XKR4: variants seen among roughly 807,000 people sequenced by gnomAD.
The protein encoded by XKR4 is XK-related protein 4.
In XKR4, 12 loss-of-function variants were observed where a neutral mutation model predicts 53.9. The ratio of observed to expected loss-of-function variants is 0.22; its 90% CI spans 0.14 to 0.36. The LOEUF is 0.36. Ranked by LOEUF, XKR4 falls within the 10% of genes least tolerant of loss-of-function variation. The probability of loss-of-function intolerance (pLI) is 1.00; values close to 1 mark genes in which losing one functional copy is unlikely to be tolerated. For synonymous variants in XKR4, 354 were observed against 362.4 expected, an observed-to-expected ratio of 0.98 and a Z score of 0.26; for missense variants, 799 against 859.5, an observed-to-expected ratio of 0.93 and a Z score of 0.88.
intron 2 of XKR4, among the ~76,000 whole-genome samples, chr8:55,447,161 A>C (rs981213065): frequency 3.3e-5 from 5 of 152,214 alleles, no homozygotes; most frequent in Admixed American, 3.3e-4. Context: ...GACCTTTATG[A>C]TCTGCCAGCC....
chr8:55,388,615 G>A (rs1261400583), intron 2 of XKR4, among the ~76,000 whole-genome samples: 1 of 152,142 alleles, frequency 6.6e-6, no homozygotes, highest in African/African-American at 2.4e-5. Flanking sequence ...CTTTGTATAA[G>A]GGCACTCATC....
chr8:55,440,493 G>A (rs1343432022), intron 2 of XKR4, among the ~76,000 whole-genome samples: 1 of 152,094 alleles, frequency 6.6e-6, no homozygotes, highest in African/African-American at 2.4e-5. Flanking sequence ...TTATTTGGGA[G>A]GTGGGCAAAT....
intron 1 of XKR4, among the ~76,000 whole-genome samples, chr8:55,250,061 A>T (rs1276779249): frequency 6.6e-6 from 1 of 152,184 alleles, no homozygotes; most frequent in East Asian, 1.9e-4. Flanking sequence ...TATCCACTAA[A>T]ATCTTAATGG....
chr8:55,130,144 G>A (rs1050563047), intron 1 of XKR4, among the ~76,000 whole-genome samples: 3 of 152,058 alleles, frequency 2.0e-5, no homozygotes, highest in Admixed American at 2.0e-4. Flanking sequence ...TACTATTATT[G>A]GCATCAAAGA....
intron 1 of XKR4, among the ~76,000 whole-genome samples, chr8:55,291,913 C>T (rs1214456642): frequency 2.6e-5 from 4 of 152,054 alleles, no homozygotes; most frequent in Non-Finnish European, 5.9e-5. Context: ...AGAATTTTGT[C>T]AAATGCTTTT....
At chr8:55,332,958 A>T (rs1803402712) in intron 1 of XKR4, among the ~76,000 whole-genome samples, 1 of 150,106 alleles carries the variant, frequency 6.7e-6, no homozygotes. Context: ...ATTTCAAATG[A>T]CCTGAATTCA....
At chr8:55,487,528 A>G (rs1806211952) in intron 2 of XKR4, among the ~76,000 whole-genome samples, 1 of 151,874 alleles carries the variant, frequency 6.6e-6, no homozygotes, top group Non-Finnish European at 1.5e-5. Context: ...GCACAGCGGA[A>G]CAATCCTGGC....
intron 2 of XKR4, among the ~76,000 whole-genome samples, chr8:55,457,686 C>T (rs113037510): frequency 6.6e-6 from 1 of 152,274 alleles, no homozygotes; most frequent in African/African-American, 2.4e-5. Context: ...ATGAAGAGCA[C>T]TGGAAGTGAT....
chr8:55,155,172 A>G (rs1362526648), intron 1 of XKR4, among the ~76,000 whole-genome samples: 2 of 152,208 alleles, frequency 1.3e-5, no homozygotes, highest in African/African-American at 4.8e-5. Flanking sequence ...CACATTGAAT[A>G]TAATGCTGCG....
At chr8:55,385,689 C>T (rs1309088784) in intron 2 of XKR4, among the ~76,000 whole-genome samples, 2 of 152,154 alleles carry the variant, frequency 1.3e-5, no homozygotes, top group African/African-American at 4.8e-5. Context: ...TTCATGTGTA[C>T]ATTTTGGTAT....
chr8:55,223,269 C>T (rs533225357), intron 1 of XKR4, among the ~76,000 whole-genome samples: 6 of 152,360 alleles, frequency 3.9e-5, no homozygotes, highest in Admixed American at 1.3e-4. Context: ...CCCTTCCCTT[C>T]TCCAGATCTA....
At chr8:55,451,669 A>T in intron 2 of XKR4, 1 of 1,551,840 alleles carries the variant, frequency 6.4e-7, no homozygotes, top group Non-Finnish European at 8.8e-7. Flanking sequence ...ACTCTGGGGC[A>T]CGATCAGCAG....
At chr8:55,470,613 A>G (rs1222273480) in intron 2 of XKR4, among the ~76,000 whole-genome samples, 1 of 152,152 alleles carries the variant, frequency 6.6e-6, no homozygotes, top group East Asian at 1.9e-4. Flanking sequence ...ACAGACTAAT[A>G]CACAAGATAT....
chr8:55,254,673 A>G (rs1441422343), intron 1 of XKR4, among the ~76,000 whole-genome samples: 5 of 152,276 alleles, frequency 3.3e-5, no homozygotes, highest in South Asian at 2.1e-4. Flanking sequence ...GGGGAACGAT[A>G]TGCCAAACTG....
chr8:55,429,168 A>T (rs1805062072), intron 2 of XKR4, among the ~76,000 whole-genome samples: 1 of 152,222 alleles, frequency 6.6e-6, no homozygotes, highest in Non-Finnish European at 1.5e-5. Context: ...AATTTAATAT[A>T]ATAAAAATAG....
chr8:55,297,745 C>T (rs1244073908), intron 1 of XKR4, among the ~76,000 whole-genome samples: 2 of 152,172 alleles, frequency 1.3e-5, no homozygotes, highest in African/African-American at 2.4e-5. Context: ...CCAAAGGGGG[C>T]TCTCTCTAAA....
chr8:55,169,892 C>G (rs1473209289), intron 1 of XKR4, among the ~76,000 whole-genome samples: 1 of 152,244 alleles, frequency 6.6e-6, no homozygotes, highest in African/African-American at 2.4e-5. Context: ...TGCTCCTAAA[C>G]AGCATTGATT....
chr8:55,222,946 A>G (rs1817900956), intron 1 of XKR4, among the ~76,000 whole-genome samples: 1 of 152,280 alleles, frequency 6.6e-6, no homozygotes, highest in East Asian at 1.9e-4. Context: ...GGGCAACATC[A>G]TGAGGTTGAG....
rs1370585800 is a variant in XKR4 at position 55,102,719 on chromosome 8, G to C, written c.231G>C (p.Ser77=). The C allele has an allele frequency of 1.7e-6, 2 of 1,157,218 alleles. No individual in the cohort carries two copies. Among genetic ancestry groups the C allele is most frequent in the Non-Finnish European group, 2.1e-6 (2 of 939,636 alleles). The allele number at this position is 1,157,218 out of a possible 1,614,324, so 71.7% of individuals were successfully genotyped here. A position where few individuals can be genotyped will look rare whatever the true frequency, so the allele number is the denominator to read the frequency against. ...CCGGGAGTGGCGGCTCCGCGGGCTCGGGCGGCTCCGGCGGCGTCGCCGGCC... is the reference window on the plus strand; with the variant it reads ...CCGGGAGTGGCGGCTCCGCGGGCTCCGGCGGCTCCGGCGGCGTCGCCGGCC... The part of the protein sequence containing the change: ...CCAGSGGSAG[S]GGSGGVAGPG... The change falls in exon 1 of 3, where the codon TCG becomes TCC. Residue 77 remains serine, a synonymous_variant. Transcript: ENST00000327381. The surrounding 1 kb of genome is among the most constrained non-coding windows in gnomAD (Gnocchi z 5.1).
Sources: allele counts gnomAD v4.1 joint callset (sites outside exome capture counted in the v4.1 genomes callset), GRCh38; gene constraint gnomAD v4.1.1; non-coding constraint Gnocchi (gnomAD v3.1); transcripts MANE v1.5; gene names NCBI Gene and HGNC (gene_info 2026-07-23, HGNC 2026-07-21).